Variants in ZNF569 observed in about 807,000 individuals in gnomAD.
The protein encoded by ZNF569 is DNA-binding protein.
Under a neutral mutation model 56.3 loss-of-function variants are expected in ZNF569, and 38 were observed. That is an observed-to-expected ratio of 0.68 (90% CI 0.52 to 0.88). ZNF569 has a LOEUF of 0.88. Ranked by LOEUF, ZNF569 falls within the 40% of genes least tolerant of loss-of-function variation. The pLI, the probability that ZNF569 is intolerant of heterozygous loss-of-function variation, is 0.00. For synonymous variants in ZNF569, 241 were observed against 262.9 expected, an observed-to-expected ratio of 0.92 and a Z score of 0.81; for missense variants, 666 against 809.2, an observed-to-expected ratio of 0.82 and a Z score of 2.15.
At chr19:37,446,529 A>T (rs2041498168) in intron 2 of ZNF569, among the ~76,000 whole-genome samples, 1 of 146,868 alleles carries the variant, frequency 6.8e-6, no homozygotes, top group Admixed American at 6.8e-5. Context: ...CAGCCTGGGC[A>T]ACAGAGCGCG....
At position 37,464,823 on chromosome 19, in the gene ZNF569, C is replaced by T. The variant is rs114515437; in HGVS notation, c.-44+490G>A. Among the ~76,000 whole-genome samples the T allele has an allele frequency of 3.5e-3, 530 of 152,322 alleles. 4 individuals carry two copies. The highest frequency in any genetic ancestry group is 0.012 in the African/African-American group (511 of 41,564). On this transcript the variant is annotated intron_variant, in intron 2 of 5. Coordinates refer to ENST00000316950, the MANE Select transcript of ZNF569 (RefSeq NM_152484.3). Reference sequence around the variant, plus strand: ...TTGACCTCCCTGCTCTTTCCTCATTCGTCCTCCCATAGGCCATTCTCATCA... The same window carrying T: ...TTGACCTCCCTGCTCTTTCCTCATTTGTCCTCCCATAGGCCATTCTCATCA...
chr19:37,438,233 C>CA lies in ZNF569; in HGVS notation c.15+6673dup, dbSNP rs1275286216. 4.3e-4 allele frequency among the ~76,000 whole-genome samples: 65 copies of CA among 151,776 alleles called. 1 individual carries two copies. Among genetic ancestry groups the CA allele is most frequent in the Admixed American group, 4.3e-3 (65 of 15,234 alleles). ...GCAACATAGTGAGACCTTGTCTCTA[C>CA]AAAAAAATAAAAAATTAGGCATGGT... On this transcript the variant is annotated intron_variant, in intron 3 of 5. Coordinates refer to ENST00000316950, the MANE Select transcript of ZNF569 (RefSeq NM_152484.3).
At chr19:37,422,618 T>TA (rs2041057242) in intron 5 of ZNF569, among the ~76,000 whole-genome samples, 1 of 151,576 alleles carries the variant, frequency 6.6e-6, no homozygotes, top group Non-Finnish European at 1.5e-5. Context: ...CCAAGCACAA[T>TA]AAAATAAAGC....
intron 4 of ZNF569, 34 bp from the exon 5 acceptor site, chr19:37,425,997 C>T (rs1360927067): frequency 6.2e-6 from 10 of 1,605,312 alleles, no homozygotes; most frequent in East Asian, 2.2e-5. Flanking sequence ...TTTGGGCATA[C>T]ATACTAGGAA....
At chr19:37,458,422 T>A (rs966358330) in intron 2 of ZNF569, among the ~76,000 whole-genome samples, 3 of 152,228 alleles carry the variant, frequency 2.0e-5, no homozygotes, top group Non-Finnish European at 4.4e-5. Context: ...GTATATTACG[T>A]TTCCATGCCT....
At chr19:37,433,714 T>G (rs187149971) in intron 3 of ZNF569, among the ~76,000 whole-genome samples, 232 of 152,206 alleles carry the variant, frequency 1.5e-3, no homozygotes, top group African/African-American at 4.9e-3. Context: ...TTTACAGTGC[T>G]GAAGGAAAAA....
At chr19:37,450,108 T>G (rs2041568172) in intron 2 of ZNF569, among the ~76,000 whole-genome samples, 1 of 152,268 alleles carries the variant, frequency 6.6e-6, no homozygotes, top group Non-Finnish European at 1.5e-5. Context: ...CCAGGAATAC[T>G]GCCCTGCAGT....
chr19:37,413,700 G>A lies in ZNF569; in HGVS notation c.958C>T (p.His320Tyr). The A allele has an allele frequency of 6.2e-7, 1 of 1,613,762 alleles. No individual in the cohort carries two copies. The highest frequency in any genetic ancestry group is 8.5e-7 in the Non-Finnish European group (1 of 1,179,880). ...CATGCATAAGGTTTCTCCCCAGTAT[G>A]AACTTTCTGATGTGCAATGAGGCTT... ...KQSLIAHQKV[H>Y]TGEKPYACNE... Residue 320 changes from histidine (H) to tyrosine (Y), a missense_variant, in exon 6 of 6, where the codon CAT becomes TAT. His to Tyr is a moderately conservative substitution (Grantham distance 83, BLOSUM62 2). Coordinates refer to ENST00000316950, the MANE Select transcript of ZNF569 (RefSeq NM_152484.3).
At chr19:37,424,584 T>C (rs12979470) in intron 5 of ZNF569, among the ~76,000 whole-genome samples, 41,182 of 150,880 alleles carry the variant, frequency 0.27, 6,991 homozygotes, top group African/African-American at 0.47. Context: ...GAGGCTGAGG[T>C]GGGCGGATCA....
At chr19:37,422,768 T>C (rs1445794408) in intron 5 of ZNF569, among the ~76,000 whole-genome samples, 1 of 152,130 alleles carries the variant, frequency 6.6e-6, no homozygotes, top group Non-Finnish European at 1.5e-5. Flanking sequence ...AAGAATATTA[T>C]GGTGCGGGGG....
chr19:37,452,661 G>A (rs2041613782), intron 2 of ZNF569, among the ~76,000 whole-genome samples: 1 of 152,004 alleles, frequency 6.6e-6, no homozygotes, highest in Non-Finnish European at 1.5e-5. Context: ...CGCCTGCAAA[G>A]TTTCTGCTGA....
chr19:37,424,559 A>G (rs2041092244), intron 5 of ZNF569, among the ~76,000 whole-genome samples: 1 of 152,076 alleles, frequency 6.6e-6, no homozygotes, highest in Non-Finnish European at 1.5e-5. Flanking sequence ...CACGCCTGTA[A>G]TCTCAGCACT....
intron 5 of ZNF569, among the ~76,000 whole-genome samples, chr19:37,421,149 T>C (rs2041028867): frequency 6.6e-6 from 1 of 152,212 alleles, no homozygotes; most frequent in Admixed American, 6.5e-5. Context: ...TGTTATTCCA[T>C]TTATAGAGCA....
intron 3 of ZNF569, among the ~76,000 whole-genome samples, chr19:37,427,356 T>C (rs1388294066): frequency 6.6e-6 from 1 of 151,312 alleles, no homozygotes; most frequent in Non-Finnish European, 1.5e-5. Context: ...AAAAAACTGG[T>C]GAACTTCTTA....
intron 3 of ZNF569, among the ~76,000 whole-genome samples, chr19:37,435,723 A>C (rs2041298485): frequency 1.3e-5 from 2 of 152,102 alleles, no homozygotes; most frequent in South Asian, 2.1e-4. Context: ...AATAGACTTC[A>C]AGACAAAAAC....
In ZNF569 at chr19:37,412,394, T is replaced by G. The variant is rs1182564532; in HGVS notation, c.*203A>C. On this transcript the variant is annotated 3_prime_UTR_variant, in exon 6 of 6. Coordinates refer to ENST00000316950, the MANE Select transcript of ZNF569 (RefSeq NM_152484.3). The stretch of plus-strand genomic sequence containing the variant: ...CTGATTAAATATTATCAATAAGATG[T>G]CTGCTGAAAGTTTCTGGTAACAGCT... 3.6e-6 allele frequency: 3 copies of G among 829,612 alleles called. No homozygotes were observed. The East Asian group carries it at 9.3e-5, about 26-fold the overall frequency. 51.4% of individuals were successfully genotyped at this position (829,612 alleles called of 1,614,324 possible). A position where few individuals can be genotyped will look rare whatever the true frequency, so the allele number is the denominator to read the frequency against.
At chr19:37,423,967 G>A (rs373773203) in intron 5 of ZNF569, among the ~76,000 whole-genome samples, 5 of 151,958 alleles carry the variant, frequency 3.3e-5, no homozygotes, top group South Asian at 2.1e-4. Flanking sequence ...TTCAAAATAC[G>A]TGTATATGGA....
At chr19:37,442,978 T>C (rs769932550) in intron 3 of ZNF569, among the ~76,000 whole-genome samples, 4 of 152,226 alleles carry the variant, frequency 2.6e-5, no homozygotes, top group Non-Finnish European at 5.9e-5. Context: ...GTGTGCGCTG[T>C]GTTACACAGG....
Position 37,432,902 on chromosome 19 carries a change from GTCTTT to G in ZNF569, c.16-6529_16-6525del, listed in dbSNP as rs1302626028. Among the ~76,000 whole-genome samples, 9 of 144,522 alleles carry G rather than the reference GTCTTT, an allele frequency of 6.2e-5. No homozygotes were observed. The Admixed American group carries it at 6.3e-4, about 10-fold the overall frequency. 94.8% of individuals were successfully genotyped at this position (144,522 alleles called of 152,430 possible). A position where few individuals can be genotyped will look rare whatever the true frequency, so the allele number is the denominator to read the frequency against. On this transcript the variant is annotated intron_variant, in intron 3 of 5. Transcript: ENST00000316950. ...AACGGACAAACTAAAGAATGCATCA[GTCTTT>G]TTTTTTTTTTTTTTTTTTGAGACAG...
Sources: allele counts gnomAD v4.1 joint callset (sites outside exome capture counted in the v4.1 genomes callset), GRCh38; gene constraint gnomAD v4.1.1; transcripts MANE v1.5; gene names NCBI Gene and HGNC (gene_info 2026-07-23, HGNC 2026-07-21).